Variants in IFT88 observed in about 807,000 individuals in gnomAD.
IFT88 encodes intraflagellar transport 88.
Under a neutral mutation model 119.5 loss-of-function variants are expected in IFT88, and 74 were observed. That is an observed-to-expected ratio of 0.62 (90% CI 0.51 to 0.75). The LOEUF is 0.75. Among genes scored for constraint, IFT88 ranks in the 30% least tolerant of loss-of-function variants. The pLI is 0.00. For synonymous variants in IFT88, 279 were observed against 316.7 expected, an observed-to-expected ratio of 0.88 and a Z score of 1.26; for missense variants, 961 against 977.7, an observed-to-expected ratio of 0.98 and a Z score of 0.23.
rs1385505499 is a variant in IFT88, at chr13:20,609,965, C to T, written c.1112+4860C>T. Reference sequence around the variant, plus strand: ...GTGGGGTCTTGGTGATGACTGCCATCTTTCTTCATCACCACACCCAGCTTC... The same window carrying T: ...GTGGGGTCTTGGTGATGACTGCCATTTTTCTTCATCACCACACCCAGCTTC... On this transcript the variant is annotated intron_variant, in intron 13 of 25. Transcript: ENST00000351808. 5.9e-5 allele frequency among the ~76,000 whole-genome samples: 9 copies of T among 152,094 alleles called. No individual in the cohort carries two copies. In the East Asian group the frequency reaches 1.7e-3, roughly 29 times the overall value.
At chr13:20,639,027 A>G (rs1025371339) in intron 17 of IFT88, among the ~76,000 whole-genome samples, 1 of 152,104 alleles carries the variant, frequency 6.6e-6, no homozygotes, top group Non-Finnish European at 1.5e-5. Flanking sequence ...AAGTCTCACC[A>G]CCATCACATT....
intron 14 of IFT88, among the ~76,000 whole-genome samples, chr13:20,624,423 G>A (rs1800830932): frequency 6.6e-6 from 1 of 152,136 alleles, no homozygotes; most frequent in African/African-American, 2.4e-5. Context: ...AGGAAGGCTA[G>A]TGACTTCAGC....
chr13:20,613,000 A>G (rs1156707289), intron 13 of IFT88, among the ~76,000 whole-genome samples: 1 of 148,724 alleles, frequency 6.7e-6, no homozygotes, highest in African/African-American at 2.6e-5. Context: ...TTAGAAAAAG[A>G]AGAGAAATAT....
intron 24 of IFT88, among the ~76,000 whole-genome samples, chr13:20,685,772 C>T (rs2057845525): frequency 6.6e-6 from 1 of 152,178 alleles, no homozygotes; most frequent in South Asian, 2.1e-4. Context: ...TCCAGCTACT[C>T]AGGAGACTGA....
At chr13:20,572,477 C>T (rs2036567751) in intron 1 of IFT88, among the ~76,000 whole-genome samples, 1 of 152,150 alleles carries the variant, frequency 6.6e-6, no homozygotes, top group African/African-American at 2.4e-5. Context: ...TCTTGGCCCT[C>T]CAAAGTCCTG....
At chr13:20,665,824 C>T (rs1354058900) in intron 23 of IFT88, among the ~76,000 whole-genome samples, 7 of 152,046 alleles carry the variant, frequency 4.6e-5, no homozygotes, top group Admixed American at 2.6e-4. Context: ...GTCTTTGCTC[C>T]GAGAGGAGGT....
At chr13:20,607,791 C>G (rs1451292279) in intron 13 of IFT88, 3 of 742,804 alleles carry the variant, frequency 4.0e-6, no homozygotes, top group Non-Finnish European at 7.6e-6. Context: ...ACCTCGTCAG[C>G]TCTCTGAGCT....
chr13:20,660,613 G>A (rs574098701), intron 22 of IFT88, among the ~76,000 whole-genome samples: 45 of 152,268 alleles, frequency 3.0e-4, no homozygotes, highest in African/African-American at 9.1e-4. Context: ...GAGGTGGGCA[G>A]GATGGATTCT....
intron 13 of IFT88, among the ~76,000 whole-genome samples, chr13:20,611,542 G>T (rs1271687713): frequency 1.8e-5 from 2 of 110,974 alleles, no homozygotes; most frequent in African/African-American, 3.3e-5. Context: ...AAAAAAAAAA[G>T]ACTGAATGCT....
chr13:20,684,083 A>G (rs1358004011), intron 24 of IFT88, among the ~76,000 whole-genome samples: 1 of 152,240 alleles, frequency 6.6e-6, no homozygotes, highest in Non-Finnish European at 1.5e-5. Flanking sequence ...GCTGGTTTAA[A>G]TTCTTTGAGG....
Position 20,596,461 on chromosome 13 carries a change from A to AG in IFT88, c.489+224dup, listed in dbSNP as rs530857682. On this transcript the variant is annotated intron_variant, in intron 8 of 25. Coordinates refer to ENST00000351808, the MANE Select transcript of IFT88 (RefSeq NM_006531.5). Reference sequence around the variant, plus strand: ...AATTTTTGACATTGGCCTTTTCAGTAGGGAAAAAAATTCTAATGTATTTGT... The same window carrying AG: ...AATTTTTGACATTGGCCTTTTCAGTAGGGGAAAAAAATTCTAATGTATTTGT... Among the ~76,000 whole-genome samples, 117 of 152,312 alleles carry AG rather than the reference A, an allele frequency of 7.7e-4. 2 individuals are homozygous for AG. The South Asian group carries it at 0.021, about 27-fold the overall frequency.
chr13:20,578,061 T>C (rs1459131488), intron 2 of IFT88, among the ~76,000 whole-genome samples: 1 of 78,650 alleles, frequency 1.3e-5, no homozygotes, highest in Non-Finnish European at 2.7e-5. Flanking sequence ...TTTTTTTTTT[T>C]TCAGATGGAG....
chr13:20,567,667 TAGGTGA>T, intron 1 of IFT88: 5 of 1,004,176 alleles, frequency 5.0e-6, no homozygotes, highest in Non-Finnish European at 4.9e-6. Context: ...ATTTTCTTGT[TAGGTGA>T]AGCACTTCAA....
chr13:20,619,203 A>G (rs1183579663), intron 14 of IFT88, among the ~76,000 whole-genome samples: 1 of 152,186 alleles, frequency 6.6e-6, no homozygotes, highest in African/African-American at 2.4e-5. Flanking sequence ...ATTATCCGAA[A>G]TGGTAACTCA....
In IFT88 at chr13:20,691,040, T is replaced by C. The variant is rs1299533889; in HGVS notation, c.2354-14T>C. ...TTTACATAACTCTAACGTGACAATC[T>C]CTTCGAAACCTAGATGCCTCCTATG... On this transcript the variant is annotated splice_polypyrimidine_tract_variant and intron_variant, in intron 25 of 25. Coordinates refer to ENST00000351808, the MANE Select transcript of IFT88 (RefSeq NM_006531.5). The C allele has an allele frequency of 2.5e-6, 4 of 1,610,188 alleles. No homozygotes were observed. The highest frequency in any genetic ancestry group is 3.4e-6 in the Non-Finnish European group (4 of 1,178,806).
chr13:20,649,179 A>C (rs1249013581), intron 20 of IFT88, among the ~76,000 whole-genome samples: 1 of 152,248 alleles, frequency 6.6e-6, no homozygotes, highest in African/African-American at 2.4e-5. Flanking sequence ...TAACAGTCAT[A>C]CACAAGACAC....
chr13:20,684,971 A>G (rs532049020), intron 24 of IFT88, among the ~76,000 whole-genome samples: 1 of 152,364 alleles, frequency 6.6e-6, no homozygotes, highest in South Asian at 2.1e-4. Flanking sequence ...AAAGACACAG[A>G]CACAGAAATA....
At position 20,608,802 on chromosome 13, in the gene IFT88, A is replaced by G. The variant is rs140265096; in HGVS notation, c.1112+3697A>G. 9.9e-3 allele frequency among the ~76,000 whole-genome samples: 1,515 copies of G among 152,264 alleles called. 27 individuals carry two copies. The highest frequency in any genetic ancestry group is 0.034 in the African/African-American group (1,422 of 41,556). Reference sequence around the variant, plus strand: ...GAAAAGCGATTGCAATTAGCATCCAATTCTTGCAGCCTTGCAGCCTGGTGC... The same window carrying G: ...GAAAAGCGATTGCAATTAGCATCCAGTTCTTGCAGCCTTGCAGCCTGGTGC... On this transcript the variant is annotated intron_variant, in intron 13 of 25. Coordinates refer to ENST00000351808, the MANE Select transcript of IFT88 (RefSeq NM_006531.5).
chr13:20,687,322 C>A (rs1430071635), intron 24 of IFT88, among the ~76,000 whole-genome samples: 1 of 152,172 alleles, frequency 6.6e-6, no homozygotes, highest in Non-Finnish European at 1.5e-5. Context: ...AAGACAGCCA[C>A]ATTTTGTGGG....
Sources: allele counts gnomAD v4.1 joint callset (sites outside exome capture counted in the v4.1 genomes callset), GRCh38; gene constraint gnomAD v4.1.1; transcripts MANE v1.5; gene names NCBI Gene and HGNC (gene_info 2026-07-23, HGNC 2026-07-21).